Variants in SLX4IP observed in about 807,000 individuals in gnomAD.
SLX4IP encodes the protein protein SLX4IP.
In SLX4IP, 34 loss-of-function variants were observed where a neutral mutation model predicts 32.9. The ratio of observed to expected loss-of-function variants is 1.03; its 90% CI spans 0.79 to 1.38. SLX4IP has a LOEUF of 1.38. Ranked by LOEUF, SLX4IP falls within the 40% of genes most tolerant of loss-of-function variation. SLX4IP has a pLI of 0.00. For synonymous variants in SLX4IP, 172 were observed against 171.7 expected, an observed-to-expected ratio of 1.00 and a Z score of -0.01; for missense variants, 444 against 479.0, an observed-to-expected ratio of 0.93 and a Z score of 0.68.
chr20:10,459,147 C>T (rs2065314337), intron 2 of SLX4IP, among the ~76,000 whole-genome samples: 1 of 152,220 alleles, frequency 6.6e-6, no homozygotes. Flanking sequence ...TTGCTGGCTA[C>T]ACGAATGTCC....
intron 2 of SLX4IP, among the ~76,000 whole-genome samples, chr20:10,554,707 T>G (rs2066249993): frequency 6.6e-6 from 1 of 152,184 alleles, no homozygotes; most frequent in South Asian, 2.1e-4. Flanking sequence ...ATTGAACACT[T>G]TTTTCATTTT....
intron 2 of SLX4IP, among the ~76,000 whole-genome samples, chr20:10,498,922 G>C (rs2065693183): frequency 6.6e-6 from 1 of 151,864 alleles, no homozygotes; most frequent in Non-Finnish European, 1.5e-5. Flanking sequence ...GCCTCTTCTA[G>C]GTAGGAAAAA....
chr20:10,582,304 C>A (rs912917694), intron 4 of SLX4IP, among the ~76,000 whole-genome samples: 5 of 152,124 alleles, frequency 3.3e-5, no homozygotes, highest in African/African-American at 1.2e-4. Flanking sequence ...TTGTTTCCTA[C>A]TCTTATTTTA....
At chr20:10,621,239 A>G (rs2122572360) in intron 6 of SLX4IP, 75 bp from the exon 7 acceptor site, 1 of 1,299,126 alleles carries the variant, frequency 7.7e-7, no homozygotes, top group Non-Finnish European at 1.1e-6. Flanking sequence ...TCATTGGGGC[A>G]TTCAGAGTGT....
chr20:10,557,303 A>G (rs1451948700), intron 3 of SLX4IP, among the ~76,000 whole-genome samples: 1 of 152,238 alleles, frequency 6.6e-6, no homozygotes, highest in East Asian at 1.9e-4. Flanking sequence ...ATAGGATAAT[A>G]CATTTTCATT....
rs868718226 is a variant in SLX4IP, at chr20:10,522,407, A to G, written c.28-33824A>G. 2.0e-4 allele frequency among the ~76,000 whole-genome samples: 30 copies of G among 152,140 alleles called. 1 individual carries two copies. Among genetic ancestry groups the G allele is most frequent in the African/African-American group, 6.5e-4 (27 of 41,400 alleles). On this transcript the variant is annotated intron_variant, in intron 2 of 7. Coordinates refer to ENST00000334534, the MANE Select transcript of SLX4IP (RefSeq NM_001009608.3). ...TTCTTAAAGTACAATGATACGCGGAAAAAGTATACAAACCCGTAGGGTGGA... is the reference window on the plus strand; with the variant it reads ...TTCTTAAAGTACAATGATACGCGGAGAAAGTATACAAACCCGTAGGGTGGA...
At chr20:10,592,832 CCA>C (rs2066727043) in intron 4 of SLX4IP, among the ~76,000 whole-genome samples, 1 of 151,800 alleles carries the variant, frequency 6.6e-6, no homozygotes, top group Admixed American at 6.6e-5. Flanking sequence ...CAGGGTTTCA[CCA>C]TGTGAGCCAG....
At chr20:10,490,675 T>C (rs1568707016) in intron 2 of SLX4IP, among the ~76,000 whole-genome samples, 1 of 152,192 alleles carries the variant, frequency 6.6e-6, no homozygotes, top group Non-Finnish European at 1.5e-5. Flanking sequence ...TCTGTGTTGC[T>C]GTTAGTTAAT....
At chr20:10,532,068 G>A (rs936002838) in intron 2 of SLX4IP, among the ~76,000 whole-genome samples, 1 of 152,048 alleles carries the variant, frequency 6.6e-6, no homozygotes, top group Admixed American at 6.6e-5. Context: ...TTTTCACTGT[G>A]GGCCTCATCT....
chr20:10,548,801 C>T (rs1364327366), intron 2 of SLX4IP, among the ~76,000 whole-genome samples: 1 of 152,184 alleles, frequency 6.6e-6, no homozygotes, highest in Non-Finnish European at 1.5e-5. Context: ...CAATAATGTA[C>T]AGAAAGGGCT....
chr20:10,496,606 G>A (rs2065669888), intron 2 of SLX4IP, among the ~76,000 whole-genome samples: 1 of 152,038 alleles, frequency 6.6e-6, no homozygotes, highest in Non-Finnish European at 1.5e-5. Context: ...CAGGCTGGCA[G>A]CTGCACTTCC....
intron 2 of SLX4IP, among the ~76,000 whole-genome samples, chr20:10,473,428 G>A (rs533933239): frequency 5.3e-5 from 8 of 152,174 alleles, no homozygotes; most frequent in Admixed American, 1.3e-4. Flanking sequence ...AAAAGGATTC[G>A]TATAAAGTGT....
Position 10,623,383 on chromosome 20 carries a change from C to A in SLX4IP, c.*4C>A. On this transcript the variant is annotated 3_prime_UTR_variant, in exon 8 of 8. Transcript: ENST00000334534. Reference sequence around the variant, plus strand: ...GAAATACGAAAGAGGCCATTAACACCGAAGAGGTTTGTACCGTTGGAGTTG... The same window carrying A: ...GAAATACGAAAGAGGCCATTAACACAGAAGAGGTTTGTACCGTTGGAGTTG... 1 of 1,606,686 alleles carries A rather than the reference C, an allele frequency of 6.2e-7. No individual in the cohort carries two copies. The highest frequency in any genetic ancestry group is 8.5e-7 in the Non-Finnish European group (1 of 1,176,862).
Position 10,490,574 on chromosome 20 carries a change from T to C in SLX4IP, c.27+32343T>C, listed in dbSNP as rs960990565. The stretch of plus-strand genomic sequence containing the variant: ...TTTTCCTGACTCTACTTCCTGCTCT[T>C]TTTTTGGGTAACCTATTGTTTTGGC... On this transcript the variant is annotated intron_variant, in intron 2 of 7. Transcript: ENST00000334534. Among the ~76,000 whole-genome samples, 6 of 152,286 alleles carry C rather than the reference T, an allele frequency of 3.9e-5. No individual in the cohort carries two copies. The East Asian group carries it at 9.7e-4, about 25-fold the overall frequency.
chr20:10,443,300 A>G (rs1037850166), intron 1 of SLX4IP, among the ~76,000 whole-genome samples: 6 of 152,246 alleles, frequency 3.9e-5, no homozygotes, highest in African/African-American at 1.4e-4. Flanking sequence ...CTTTTAATGC[A>G]TAACAGTGCC....
intron 7 of SLX4IP, among the ~76,000 whole-genome samples, chr20:10,621,735 G>A (rs1455969489): frequency 2.6e-5 from 4 of 152,072 alleles, no homozygotes; most frequent in Admixed American, 2.0e-4. Context: ...TAGGATCCTT[G>A]TTCCGACTTT....
At chr20:10,602,485 G>A (rs2066854331) in intron 6 of SLX4IP, among the ~76,000 whole-genome samples, 1 of 152,196 alleles carries the variant, frequency 6.6e-6, no homozygotes, top group Non-Finnish European at 1.5e-5. Flanking sequence ...ATGTACACTT[G>A]AGAATCTCCT....
chr20:10,451,782 T>G (rs1463655042), intron 1 of SLX4IP, among the ~76,000 whole-genome samples: 7 of 151,052 alleles, frequency 4.6e-5, no homozygotes, highest in African/African-American at 1.5e-4. Flanking sequence ...GCTTGGCCAA[T>G]ATGGTGAAAC....
intron 6 of SLX4IP, among the ~76,000 whole-genome samples, chr20:10,608,153 C>T (rs1004859862): frequency 1.3e-5 from 2 of 152,080 alleles, no homozygotes; most frequent in East Asian, 1.9e-4. Flanking sequence ...TTAGGAAAAA[C>T]GTGGTGGGGA....
Sources: gnomAD v4.1 joint callset for allele counts (sites outside exome capture counted in the v4.1 genomes callset) on GRCh38, gnomAD v4.1.1 for gene constraint, MANE v1.5 for transcripts, NCBI Gene and HGNC (gene_info 2026-07-23, HGNC 2026-07-21) for gene names.